Variants in DNM3 observed in about 807,000 individuals in gnomAD.
The protein encoded by DNM3 is dynamin-3.
In DNM3, 47 loss-of-function variants were observed where a neutral mutation model predicts 101.6. The observed-to-expected ratio is 0.46, with a 90% CI of 0.37 to 0.59. DNM3 has a LOEUF of 0.59. Ranked by LOEUF, DNM3 falls within the 20% of genes least tolerant of loss-of-function variation. The pLI is 0.00. For synonymous variants in DNM3, 385 were observed against 387.9 expected (o/e 0.99, Z 0.09); for missense variants, 849 against 1,085.7 (o/e 0.78, Z 3.06).
chr1:172,028,268 G>A (rs1445343381), intron 4 of DNM3, among the ~76,000 whole-genome samples: 1 of 152,026 alleles, frequency 6.6e-6, no homozygotes, highest in African/African-American at 2.4e-5. Flanking sequence ...AGAAACTCAC[G>A]AAAACCACAC....
intron 18 of DNM3, among the ~76,000 whole-genome samples, chr1:172,380,455 T>C (rs972325131): frequency 6.6e-6 from 1 of 152,124 alleles, no homozygotes; most frequent in African/African-American, 2.4e-5. Flanking sequence ...ACTAACACTA[T>C]TTTCATACAC....
In DNM3 at chr1:171,989,077, C is replaced by T. The variant is rs1310594209; in HGVS notation, c.518C>T (p.Ala173Val). 1 of 1,613,120 alleles carries T rather than the reference C, an allele frequency of 6.2e-7. No individual in the cohort carries two copies. Among genetic ancestry groups the T allele is most frequent in the Non-Finnish European group, 8.5e-7 (1 of 1,179,494 alleles). The change falls in exon 4 of 21, where the codon GCT becomes GTT. Residue 173 changes from alanine (A) to valine (V), a missense_variant. This residue lies in a region of DNM3 where 388 missense variants were observed against 483.0 expected (regional missense o/e 0.80). Transcript: ENST00000627582. ...ACGAGGGAGAACTGTCTGATTTTAG[C>T]TGTTACTCCAGCCAACACTGATCTT... ...FITRENCLIL[A>V]VTPANTDLAN...
chr1:172,063,501 G>A (rs1410746157), intron 10 of DNM3, among the ~76,000 whole-genome samples: 1 of 151,714 alleles, frequency 6.6e-6, no homozygotes, highest in East Asian at 1.9e-4. Context: ...ATGTTTTGCT[G>A]CTTTCTCTCA....
intron 14 of DNM3, among the ~76,000 whole-genome samples, chr1:172,133,713 A>C (rs1384910837): frequency 6.6e-6 from 1 of 152,266 alleles, no homozygotes; most frequent in East Asian, 1.9e-4. Flanking sequence ...ATTGGAAGGA[A>C]GTACCACTTG....
chr1:171,887,660 C>T (rs1441702252), intron 1 of DNM3, among the ~76,000 whole-genome samples: 1 of 151,818 alleles, frequency 6.6e-6, no homozygotes, highest in African/African-American at 2.4e-5. Flanking sequence ...GGATAAAATT[C>T]TTTCACGTGG....
At chr1:171,918,586 C>A (rs1433670490) in intron 1 of DNM3, among the ~76,000 whole-genome samples, 2 of 152,076 alleles carry the variant, frequency 1.3e-5, no homozygotes, top group Non-Finnish European at 2.9e-5. Flanking sequence ...GGATAGACTT[C>A]GAAATAGTAA....
chr1:172,169,108 C>T (rs2058854870), intron 14 of DNM3, among the ~76,000 whole-genome samples: 1 of 151,796 alleles, frequency 6.6e-6, no homozygotes, highest in African/African-American at 2.4e-5. Flanking sequence ...TTATCATCAC[C>T]ATGCAATTTT....
chr1:171,951,416 A>G (rs1164935859), intron 2 of DNM3, among the ~76,000 whole-genome samples: 1 of 152,192 alleles, frequency 6.6e-6, no homozygotes, highest in Non-Finnish European at 1.5e-5. Flanking sequence ...GTTTTGCATT[A>G]TGAAAGTTTC....
intron 14 of DNM3, among the ~76,000 whole-genome samples, chr1:172,153,687 T>C (rs374223654): frequency 3.9e-4 from 59 of 152,208 alleles, no homozygotes; most frequent in African/African-American, 1.3e-3. Context: ...TAAAAAAATG[T>C]GTTAGGTTAT....
intron 14 of DNM3, among the ~76,000 whole-genome samples, chr1:172,220,295 G>A (rs569101022): frequency 2.2e-4 from 33 of 152,242 alleles, no homozygotes; most frequent in African/African-American, 7.9e-4. Flanking sequence ...TGAAATACCA[G>A]CCTTCTGATA....
Position 171,886,514 on chromosome 1 carries a change from G to A in DNM3, c.162-35234G>A, listed in dbSNP as rs559324370. On this transcript the variant is annotated intron_variant, in intron 1 of 20. Transcript: ENST00000627582. ...GAACAAATTTTAATGATGCTTTTCTGGTTCCCACTTCCCCAACCCATTTTT... is the reference window on the plus strand; with the variant it reads ...GAACAAATTTTAATGATGCTTTTCTAGTTCCCACTTCCCCAACCCATTTTT... 3.4e-3 allele frequency among the ~76,000 whole-genome samples: 524 copies of A among 152,152 alleles called. 3 individuals are homozygous for A. Among genetic ancestry groups the A allele is most frequent in the African/African-American group, 0.012 (501 of 41,540 alleles).
chr1:171,948,016 ACAC>A (rs2042271920), intron 2 of DNM3, among the ~76,000 whole-genome samples: 1 of 152,222 alleles, frequency 6.6e-6, no homozygotes. Flanking sequence ...TCTTAAAATT[ACAC>A]CACCTATGTG....
At chr1:171,886,661 T>G (rs777417942) in intron 1 of DNM3, among the ~76,000 whole-genome samples, 3 of 152,320 alleles carry the variant, frequency 2.0e-5, no homozygotes, top group Non-Finnish European at 4.4e-5. Flanking sequence ...GAATCAAAGC[T>G]TATTGTTTCC....
intron 1 of DNM3, among the ~76,000 whole-genome samples, chr1:171,902,729 T>C (rs945094290): frequency 7.9e-5 from 12 of 152,312 alleles, no homozygotes; most frequent in African/African-American, 2.9e-4. Context: ...TGATGACATG[T>C]TATGACATGT....
intron 17 of DNM3, among the ~76,000 whole-genome samples, chr1:172,362,661 G>A (rs139897601): frequency 5.3e-5 from 8 of 151,838 alleles, no homozygotes; most frequent in East Asian, 1.9e-4. Context: ...GATAAACACC[G>A]TGCCATTCCC....
intron 1 of DNM3, among the ~76,000 whole-genome samples, chr1:171,885,601 T>C (rs1434789822): frequency 6.6e-6 from 1 of 152,198 alleles, no homozygotes; most frequent in Non-Finnish European, 1.5e-5. Flanking sequence ...CTGTTTTTTC[T>C]GGCGTTGCCT....
intron 1 of DNM3, among the ~76,000 whole-genome samples, chr1:171,856,017 G>A (rs72713711): frequency 0.14 from 20,807 of 152,076 alleles, 1,890 homozygotes; most frequent in East Asian, 0.48. Flanking sequence ...ATTTAAGTCC[G>A]TAATCTATCT....
Position 172,071,086 on chromosome 1 carries a change from CATATATATATATATATAT to C in DNM3, c.1422+2198_1422+2215del, listed in dbSNP as rs56255511. ...GCCTGGGTGACAGAGCAAGACCCTG[CATATATATATATATATAT>C]ATATATATATATATATCTTAGTTCT... is the stretch of plus-strand genomic sequence containing the variant. On this transcript the variant is annotated intron_variant, in intron 11 of 20. Transcript: ENST00000627582. 1.8e-4 allele frequency among the ~76,000 whole-genome samples: 12 copies of C among 65,084 alleles called. 1 individual carries two copies. In the East Asian group the frequency reaches 2.1e-3, roughly 11 times the overall value. 42.7% of individuals were successfully genotyped at this position (65,084 alleles called of 152,430 possible).
At chr1:172,079,097 T>TG (rs919323456) in intron 11 of DNM3, among the ~76,000 whole-genome samples, 49 of 152,316 alleles carry the variant, frequency 3.2e-4, no homozygotes, top group African/African-American at 1.1e-3. Flanking sequence ...TTATGTGTCT[T>TG]GGGGTTGCTC....
Sources: gnomAD v4.1 joint callset for allele counts (sites outside exome capture counted in the v4.1 genomes callset) on GRCh38, gnomAD v4.1.1 for gene constraint, gnomAD v4.1.1 regional missense constraint, MANE v1.5 for transcripts, NCBI Gene and HGNC (gene_info 2026-07-23, HGNC 2026-07-21) for gene names.